IMPG1: variants seen among roughly 807,000 people sequenced by gnomAD.
The protein encoded by IMPG1 is interphotoreceptor matrix proteoglycan of 150 kDa.
IMPG1 carries 85 observed loss-of-function variants against 92.0 expected under a neutral mutation model. The observed-to-expected ratio is 0.92, with a 90% CI of 0.78 to 1.11. IMPG1 has a LOEUF of 1.11. Ranked by LOEUF, IMPG1 falls within the 50% of genes least tolerant of loss-of-function variation. The probability of loss-of-function intolerance (pLI) is 0.00; values close to 1 mark genes in which losing one functional copy is unlikely to be tolerated. For synonymous variants in IMPG1, 367 were observed against 334.1 expected, an observed-to-expected ratio of 1.10 and a Z score of -1.08; for missense variants, 1,022 against 956.0, an observed-to-expected ratio of 1.07 and a Z score of -0.91.
chr6:75,967,507 T>G (rs1037106063), intron 12 of IMPG1, among the ~76,000 whole-genome samples: 6 of 152,122 alleles, frequency 3.9e-5, no homozygotes, highest in Admixed American at 3.9e-4. Flanking sequence ...GTCAGCTCCT[T>G]GATTTTGTAC....
At chr6:75,937,990 C>T (rs191617950) in intron 14 of IMPG1, among the ~76,000 whole-genome samples, 30 of 152,306 alleles carry the variant, frequency 2.0e-4, no homozygotes, top group Admixed American at 9.8e-4. Flanking sequence ...AAATGAAAGA[C>T]GACTCTAGTT....
intron 7 of IMPG1, among the ~76,000 whole-genome samples, chr6:76,015,800 C>CAAAAAAAAAAAAAA (rs35389302): frequency 4.5e-5 from 3 of 66,744 alleles, no homozygotes; most frequent in East Asian, 4.2e-4. Context: ...AACTCTGTCT[C>CAAAAAAAAAAAAAA]AAAAAAAAAA....
intron 1 of IMPG1, among the ~76,000 whole-genome samples, chr6:76,058,758 G>T (rs1428946035): frequency 1.3e-5 from 2 of 152,158 alleles, no homozygotes; most frequent in African/African-American, 4.8e-5. Flanking sequence ...ATAGCTTGTA[G>T]GGCCTAGCTA....
chr6:76,045,826 G>A (rs1783930800), intron 1 of IMPG1, among the ~76,000 whole-genome samples: 2 of 152,154 alleles, frequency 1.3e-5, no homozygotes, highest in East Asian at 1.9e-4. Context: ...AAGATTCTTT[G>A]GGTCACTTTT....
intron 12 of IMPG1, among the ~76,000 whole-genome samples, chr6:75,961,403 C>G (rs1031103100): frequency 1.3e-5 from 2 of 152,138 alleles, no homozygotes; most frequent in African/African-American, 4.8e-5. Context: ...TAATTATCCA[C>G]TCATTCAACA....
intron 6 of IMPG1, among the ~76,000 whole-genome samples, chr6:76,019,132 C>T (rs1385913655): frequency 6.6e-6 from 1 of 152,086 alleles, no homozygotes; most frequent in Non-Finnish European, 1.5e-5. Flanking sequence ...GTATTTGGGC[C>T]ACCTTTGGAA....
chr6:76,021,802 T>TATATATATATATATATATAC (rs3076957), intron 6 of IMPG1, among the ~76,000 whole-genome samples: 1 of 84,806 alleles, frequency 1.2e-5, no homozygotes, highest in Non-Finnish European at 2.5e-5. Context: ...TATATATATA[T>TATATATATATATATATATAC]GGTTTTGTTA....
intron 12 of IMPG1, among the ~76,000 whole-genome samples, chr6:75,956,056 A>AT (rs1372330126): frequency 2.0e-5 from 3 of 151,192 alleles, no homozygotes; most frequent in East Asian, 1.9e-4. Flanking sequence ...TTGGCCTGAA[A>AT]TTTTTTTTTG....
chr6:76,034,475 A>G, intron 3 of IMPG1, 132 bp from the exon 4 acceptor site: 2 of 1,223,046 alleles, frequency 1.6e-6, no homozygotes, highest in South Asian at 1.4e-5. Context: ...TTGCAAGAAT[A>G]AAATTTCTAT....
intron 2 of IMPG1, among the ~76,000 whole-genome samples, chr6:76,035,195 G>A (rs1399205379): frequency 1.3e-5 from 2 of 151,974 alleles, no homozygotes; most frequent in Admixed American, 6.6e-5. Context: ...GAGTAATAGA[G>A]GATGAAGATA....
At chr6:75,926,502 T>G (rs1781552496) in intron 15 of IMPG1, among the ~76,000 whole-genome samples, 1 of 152,216 alleles carries the variant, frequency 6.6e-6, no homozygotes, top group African/African-American at 2.4e-5. Flanking sequence ...TCCTCATAAA[T>G]GTCACTGTGT....
chr6:75,965,382 T>C (rs577143483), intron 12 of IMPG1, among the ~76,000 whole-genome samples: 166 of 151,834 alleles, frequency 1.1e-3, no homozygotes, highest in African/African-American at 3.8e-3. Flanking sequence ...TTTTTTTTAA[T>C]TTTAGCTATT....
intron 4 of IMPG1, among the ~76,000 whole-genome samples, chr6:76,028,779 A>G (rs1264503453): frequency 1.3e-5 from 2 of 152,178 alleles, no homozygotes; most frequent in Non-Finnish European, 2.9e-5. Flanking sequence ...AGATCGTGCC[A>G]CTGCACTCCA....
At chr6:76,034,818 C>G in intron 2 of IMPG1, 31 bp from the exon 3 acceptor site, 20 of 1,589,636 alleles carry the variant, frequency 1.3e-5, no homozygotes, top group Non-Finnish European at 1.6e-5. Flanking sequence ...TGGCCATGCC[C>G]TAAGAGGGTC....
intron 7 of IMPG1, among the ~76,000 whole-genome samples, chr6:76,015,918 G>T (rs575005257): frequency 6.6e-6 from 1 of 152,138 alleles, no homozygotes; most frequent in African/African-American, 2.4e-5. Context: ...GCATGACATG[G>T]TGGTTAAGAG....
At chr6:76,067,507 T>C (rs1933480) in intron 1 of IMPG1, among the ~76,000 whole-genome samples, 81,781 of 151,820 alleles carry the variant, frequency 0.54, 23,277 homozygotes, top group South Asian at 0.65. Context: ...AAATCCTGAA[T>C]AGAACAATAA....
At chr6:76,036,211 T>G (rs1783739836) in intron 2 of IMPG1, among the ~76,000 whole-genome samples, 1 of 152,232 alleles carries the variant, frequency 6.6e-6, no homozygotes, top group African/African-American at 2.4e-5. Flanking sequence ...TGTTAAACTT[T>G]GTCTCATTTT....
At chr6:76,070,825 G>C (rs1784393080) in intron 1 of IMPG1, among the ~76,000 whole-genome samples, 1 of 151,956 alleles carries the variant, frequency 6.6e-6, no homozygotes, top group Non-Finnish European at 1.5e-5. Flanking sequence ...AAAGATGAGA[G>C]AGTGGAAGGG....
rs1375635740 is a variant in IMPG1, at chr6:76,025,812, T to A, written c.498-554A>T. Reference sequence around the variant, plus strand: ...TGGTAACTAGCCAGGAAGTTGGGGGTAGGTTCTCAGTGCCATGGAATGATG... The same window carrying A: ...TGGTAACTAGCCAGGAAGTTGGGGGAAGGTTCTCAGTGCCATGGAATGATG... On this transcript the variant is annotated intron_variant, in intron 4 of 16. Coordinates refer to ENST00000369950, the MANE Select transcript of IMPG1 (RefSeq NM_001563.4). 2.6e-5 allele frequency among the ~76,000 whole-genome samples: 4 copies of A among 152,088 alleles called. No homozygotes were observed. The East Asian group carries it at 7.7e-4, about 29-fold the overall frequency.
Sources: gnomAD v4.1 joint callset for allele counts (sites outside exome capture counted in the v4.1 genomes callset) on GRCh38, gnomAD v4.1.1 for gene constraint, MANE v1.5 for transcripts, NCBI Gene and HGNC (gene_info 2026-07-23, HGNC 2026-07-21) for gene names.